Variants in SLC6A11 observed in about 807,000 individuals in gnomAD.
SLC6A11 encodes the protein solute carrier family 6 member 11.
In SLC6A11, 25 loss-of-function variants were observed where a neutral mutation model predicts 74.8. The observed-to-expected ratio is 0.33, with a 90% confidence interval of 0.24 to 0.47. SLC6A11 has a LOEUF of 0.47. Among genes scored for constraint, SLC6A11 ranks in the 20% least tolerant of loss-of-function variants. The probability of loss-of-function intolerance (pLI) is 1.00; values close to 1 mark genes in which losing one functional copy is unlikely to be tolerated. For synonymous variants in SLC6A11, 330 were observed against 330.2 expected (o/e 1.00, Z 0.01); for missense variants, 574 against 837.0 (o/e 0.69, Z 3.88).
Position 10,925,057 on chromosome 3 carries a change from G to A in SLC6A11, c.1121-947G>A, listed in dbSNP as rs952559308. 4.6e-5 allele frequency among the ~76,000 whole-genome samples: 7 copies of A among 152,200 alleles called. No individual in the cohort carries two copies. The South Asian group carries it at 1.0e-3, about 23-fold the overall frequency. On this transcript the variant is annotated intron_variant, in intron 8 of 13. Transcript: ENST00000254488. ...GTTGCCCAACGTGAAGAGGAGGAAC[G>A]GAGGCGAAGAGACAGCAAGGGGCCT...
intron 5 of SLC6A11, among the ~76,000 whole-genome samples, chr3:10,858,982 G>A (rs1012268933): frequency 1.3e-5 from 2 of 152,170 alleles, no homozygotes; most frequent in Non-Finnish European, 1.5e-5. Flanking sequence ...AAGAGAAACA[G>A]GCTGGATTGG....
chr3:10,881,804 C>G (rs542217942), intron 6 of SLC6A11, among the ~76,000 whole-genome samples: 1 of 152,292 alleles, frequency 6.6e-6, no homozygotes, highest in Non-Finnish European at 1.5e-5. Flanking sequence ...ATGAGGAGCC[C>G]CAGTTTAGCC....
chr3:10,878,902 T>G (rs892454485), intron 6 of SLC6A11, among the ~76,000 whole-genome samples: 1 of 152,242 alleles, frequency 6.6e-6, no homozygotes, highest in African/African-American at 2.4e-5. Context: ...GTCCATTTAC[T>G]TGTTGAACAG....
At chr3:10,838,985 C>T (rs150281964) in intron 4 of SLC6A11, among the ~76,000 whole-genome samples, 2 of 152,004 alleles carry the variant, frequency 1.3e-5, no homozygotes, top group African/African-American at 4.8e-5. Flanking sequence ...TTTGAGCTAC[C>T]CTCTTGGTTC....
intron 13 of SLC6A11, among the ~76,000 whole-genome samples, chr3:10,936,106 G>T (rs1192783996): frequency 6.6e-6 from 1 of 152,182 alleles, no homozygotes; most frequent in African/African-American, 2.4e-5. Flanking sequence ...GTTTGAGTGG[G>T]TTTCTGCTTA....
intron 4 of SLC6A11, among the ~76,000 whole-genome samples, chr3:10,841,047 A>C (rs2106583578): frequency 6.6e-6 from 1 of 152,104 alleles, no homozygotes; most frequent in African/African-American, 2.4e-5. Flanking sequence ...CTCCAGAAAT[A>C]CTCTACTATG....
chr3:10,867,568 G>A (rs1195515151), intron 5 of SLC6A11, among the ~76,000 whole-genome samples: 2 of 152,216 alleles, frequency 1.3e-5, no homozygotes, highest in Admixed American at 6.5e-5. Context: ...ACCCTGGATA[G>A]CTCCAAGGAG....
intron 6 of SLC6A11, among the ~76,000 whole-genome samples, chr3:10,893,360 A>C (rs1695129771): frequency 6.6e-6 from 1 of 152,172 alleles, no homozygotes; most frequent in South Asian, 2.1e-4. Flanking sequence ...CCCAGAAGGG[A>C]AACAGCTGAA....
At chr3:10,927,944 G>A (rs569175361) in intron 9 of SLC6A11, among the ~76,000 whole-genome samples, 2 of 152,224 alleles carry the variant, frequency 1.3e-5, no homozygotes, top group Non-Finnish European at 1.5e-5. Flanking sequence ...GCAGGGCAGT[G>A]GGGTGGGTAA....
rs1695490189 is a variant in SLC6A11, at chr3:10,918,519, A to T, written c.1120+66A>T. On this transcript the variant is annotated intron_variant, in intron 8 of 13. Coordinates refer to ENST00000254488, the MANE Select transcript of SLC6A11 (RefSeq NM_014229.3). The surrounding 1 kb of genome is among the most constrained non-coding windows in gnomAD (Gnocchi z 4.5). ...AGGCCAGGAGTGATGGTCATCATGG[A>T]AATGCGATCTTCCTCCTCGGCTCAC... 2 of 1,536,928 alleles carry T rather than the reference A, an allele frequency of 1.3e-6. No homozygotes were observed. The highest frequency in any genetic ancestry group is 2.9e-5 in the African/African-American group (2 of 70,152).
At position 10,929,299 on chromosome 3, in the gene SLC6A11, C is replaced by G; in HGVS notation, c.1331C>G (p.Ser444Cys). ...CGGGAGCTGCTCATCCTAGCCTTGT[C>G]TGTTATCTCCTATTTTCTGGGCCTC... ...YRRELLILAL[S>C]VISYFLGLVM... The change falls in exon 10 of 14, where the codon TCT (serine) becomes TGT (cysteine). Residue 444 changes from serine (S) to cysteine (C), a missense_variant. Around this residue, in one of 4 missense-constraint regions of SLC6A11, gnomAD observed 257 missense variants for 341.5 expected, o/e 0.75. Coordinates refer to ENST00000254488, the MANE Select transcript of SLC6A11 (RefSeq NM_014229.3). The G allele has an allele frequency of 6.2e-7, 1 of 1,614,146 alleles. No homozygotes were observed. Among genetic ancestry groups the G allele is most frequent in the Non-Finnish European group, 8.5e-7 (1 of 1,180,018 alleles).
At chr3:10,856,189 G>A (rs556838767) in intron 5 of SLC6A11, among the ~76,000 whole-genome samples, 2 of 152,356 alleles carry the variant, frequency 1.3e-5, no homozygotes, top group South Asian at 4.1e-4. Flanking sequence ...GGGAAGAGGA[G>A]TGACAATCGA....
chr3:10,935,705 G>T (rs761747705), intron 13 of SLC6A11, among the ~76,000 whole-genome samples: 25 of 152,200 alleles, frequency 1.6e-4, no homozygotes, highest in African/African-American at 2.9e-4. Context: ...CTTGCCTGAG[G>T]TCACACAGCC....
intron 5 of SLC6A11, among the ~76,000 whole-genome samples, chr3:10,850,302 T>C (rs556586256): frequency 5.3e-4 from 80 of 152,296 alleles, no homozygotes; most frequent in African/African-American, 1.9e-3. Context: ...AAATGGGATA[T>C]TTCCCATGTC....
chr3:10,889,533 A>C (rs964320350), intron 6 of SLC6A11, among the ~76,000 whole-genome samples: 1 of 152,176 alleles, frequency 6.6e-6, no homozygotes, highest in African/African-American at 2.4e-5. Context: ...CATAGTTGGA[A>C]TCATACAGTT....
intron 4 of SLC6A11, among the ~76,000 whole-genome samples, chr3:10,835,764 C>T (rs13070185): frequency 0.12 from 18,769 of 152,224 alleles, 1,575 homozygotes; most frequent in South Asian, 0.31. Flanking sequence ...TACACAAAAG[C>T]GCCTGACACG....
At chr3:10,896,275 G>T (rs1695170401) in intron 6 of SLC6A11, among the ~76,000 whole-genome samples, 1 of 152,244 alleles carries the variant, frequency 6.6e-6, no homozygotes. Context: ...AGTGGGACCT[G>T]CCTAGTCAGC....
At chr3:10,862,237 G>A (rs1001545908) in intron 5 of SLC6A11, among the ~76,000 whole-genome samples, 7 of 152,182 alleles carry the variant, frequency 4.6e-5, no homozygotes, top group Admixed American at 3.3e-4. Flanking sequence ...CCAAGGTTCC[G>A]AGTATGTTTT....
At chr3:10,932,163 C>G (rs1695696699) in intron 10 of SLC6A11, among the ~76,000 whole-genome samples, 1 of 152,134 alleles carries the variant, frequency 6.6e-6, no homozygotes, top group Non-Finnish European at 1.5e-5. Context: ...CCTCTCTCCT[C>G]CCCTCCCTCC....
Sources: gnomAD v4.1 joint callset for allele counts (sites outside exome capture counted in the v4.1 genomes callset) on GRCh38, gnomAD v4.1.1 for gene constraint, gnomAD v4.1.1 regional missense constraint, Gnocchi (gnomAD v3.1) non-coding constraint, MANE v1.5 for transcripts, NCBI Gene and HGNC (gene_info 2026-07-23, HGNC 2026-07-21) for gene names.